RBMS3: variants seen among roughly 807,000 people sequenced by gnomAD.
RBMS3 encodes RNA binding motif single stranded interacting protein 3.
Under a neutral mutation model 66.8 loss-of-function variants are expected in RBMS3, and 27 were observed. The ratio of observed to expected loss-of-function variants is 0.40; its 90% CI spans 0.30 to 0.56. The LOEUF is 0.56. Among genes scored for constraint, RBMS3 ranks in the 20% least tolerant of loss-of-function variants. The pLI, the probability that RBMS3 is intolerant of heterozygous loss-of-function variation, is 0.40. For missense variants in RBMS3, 513 were observed against 549.5 expected, an observed-to-expected ratio of 0.93 and a Z score of 0.66; for synonymous variants, 188 against 183.0, an observed-to-expected ratio of 1.03 and a Z score of -0.22.
At chr3:29,328,198 C>G (rs1044435750) in intron 1 of RBMS3, among the ~76,000 whole-genome samples, 1 of 152,102 alleles carries the variant, frequency 6.6e-6, no homozygotes, top group Non-Finnish European at 1.5e-5. Flanking sequence ...CTATAACATT[C>G]TTGGCTTATT....
At chr3:29,804,647 A>G (rs984779658) in intron 6 of RBMS3, among the ~76,000 whole-genome samples, 3 of 152,034 alleles carry the variant, frequency 2.0e-5, no homozygotes, top group East Asian at 1.9e-4. Context: ...AAATGCTGCC[A>G]TATCTTACTA....
At chr3:29,565,215 G>A (rs2046698887) in intron 3 of RBMS3, among the ~76,000 whole-genome samples, 1 of 152,158 alleles carries the variant, frequency 6.6e-6, no homozygotes, top group South Asian at 2.1e-4. Context: ...TATGGTATTT[G>A]ATAAGTGGTT....
intron 4 of RBMS3, among the ~76,000 whole-genome samples, chr3:29,671,731 G>GA (rs1339003663): frequency 2.0e-5 from 3 of 152,102 alleles, no homozygotes; most frequent in African/African-American, 7.2e-5. Context: ...GAAGTTTAGA[G>GA]AAAAAAGAGT....
At chr3:29,520,133 G>A (rs904395537) in intron 3 of RBMS3, among the ~76,000 whole-genome samples, 4 of 152,108 alleles carry the variant, frequency 2.6e-5, no homozygotes, top group Non-Finnish European at 2.9e-5. Flanking sequence ...TCTAGACATA[G>A]CAATGGTAGT....
Position 29,944,219 on chromosome 3 carries a change from G to A in RBMS3, c.1063G>A (p.Asp355Asn), listed in dbSNP as rs777097439. 6.3e-7 allele frequency: 1 copy of A among 1,590,854 alleles called. No individual in the cohort carries two copies. The highest frequency in any genetic ancestry group is 8.6e-7 in the Non-Finnish European group (1 of 1,159,780). The change falls in exon 12 of 15, where the codon GAC becomes AAC. Residue 355 changes from aspartate (D) to asparagine (N), a missense_variant. Asp to Asn is a conservative substitution (Grantham distance 23). Coordinates refer to ENST00000383767, the MANE Select transcript of RBMS3 (RefSeq NM_001003793.3). Reference protein sequence around the residue: ...LGTTGTIQSQDRIMILHQLLC... With the variant: ...LGTTGTIQSQNRIMILHQLLC... ...TTTTCATTCAAAGATTCAATCCCAA[G>A]ACAGGATTATGATACTCCACCAGCT...
At chr3:29,608,319 C>A (rs1330100625) in intron 4 of RBMS3, among the ~76,000 whole-genome samples, 6 of 151,884 alleles carry the variant, frequency 4.0e-5, no homozygotes, top group African/African-American at 7.3e-5. Context: ...TCAAACAAAT[C>A]TTTCCAATTA....
chr3:29,650,007 C>T (rs2050085174), intron 4 of RBMS3, among the ~76,000 whole-genome samples: 1 of 152,140 alleles, frequency 6.6e-6, no homozygotes, highest in Non-Finnish European at 1.5e-5. Flanking sequence ...ATTGGCCACG[C>T]CCCTCAGGAT....
At chr3:29,487,320 T>G (rs1312670050) in intron 2 of RBMS3, among the ~76,000 whole-genome samples, 1 of 152,054 alleles carries the variant, frequency 6.6e-6, no homozygotes, top group Admixed American at 6.6e-5. Context: ...TTTGATAATA[T>G]GAAACAAACA....
At chr3:29,303,248 T>C (rs1469573513) in intron 1 of RBMS3, among the ~76,000 whole-genome samples, 1 of 152,094 alleles carries the variant, frequency 6.6e-6, no homozygotes, top group Non-Finnish European at 1.5e-5. Context: ...ATTGTGAAGT[T>C]GAGGTCACAA....
In RBMS3 at chr3:29,817,361, G is replaced by A. The variant is rs910655897; in HGVS notation, c.638-51497G>A. ...TGGGATTACAGGCGTCCACCACCAC[G>A]CCTGGCTAATTTTTTGTATTTTTAA... is the stretch of plus-strand genomic sequence containing the variant. On this transcript the variant is annotated intron_variant, in intron 6 of 14. Coordinates refer to ENST00000383767, the MANE Select transcript of RBMS3 (RefSeq NM_001003793.3). Among the ~76,000 whole-genome samples, 4 of 151,556 alleles carry A rather than the reference G, an allele frequency of 2.6e-5. No individual in the cohort carries two copies. In the South Asian group the frequency reaches 8.3e-4, roughly 31 times the overall value.
At chr3:29,970,451 T>C (rs1449281) in intron 12 of RBMS3, among the ~76,000 whole-genome samples, 34,260 of 152,194 alleles carry the variant, frequency 0.23, 3,983 homozygotes, top group East Asian at 0.27. Context: ...AGTTTTATTT[T>C]TTTTCGAAGC....
At chr3:29,428,249 G>A (rs1458686052) in intron 1 of RBMS3, among the ~76,000 whole-genome samples, 1 of 152,008 alleles carries the variant, frequency 6.6e-6, no homozygotes, top group African/African-American at 2.4e-5. Flanking sequence ...GGCAGTATCT[G>A]GAGATATTTT....
intron 12 of RBMS3, among the ~76,000 whole-genome samples, chr3:29,976,903 A>G (rs1697627753): frequency 6.6e-6 from 1 of 151,596 alleles, no homozygotes; most frequent in Non-Finnish European, 1.5e-5. Context: ...TACTCACTCA[A>G]CTCTGACAAA....
At chr3:29,689,474 A>G (rs889015525) in intron 4 of RBMS3, among the ~76,000 whole-genome samples, 10 of 152,142 alleles carry the variant, frequency 6.6e-5, no homozygotes, top group Non-Finnish European at 1.0e-4. Flanking sequence ...AAAGCAGTAG[A>G]TATTCTCAGG....
At chr3:29,917,381 T>C (rs2060664567) in intron 10 of RBMS3, among the ~76,000 whole-genome samples, 1 of 152,056 alleles carries the variant, frequency 6.6e-6, no homozygotes, top group Non-Finnish European at 1.5e-5. Flanking sequence ...CTTTCTCTCT[T>C]TTGCTTTTTC....
At chr3:29,395,583 T>A (rs1207666622) in intron 1 of RBMS3, among the ~76,000 whole-genome samples, 1 of 152,214 alleles carries the variant, frequency 6.6e-6, no homozygotes, top group Non-Finnish European at 1.5e-5. Context: ...TTACATTTGA[T>A]AACACCTTAT....
chr3:29,377,698 T>C (rs146045369), intron 1 of RBMS3, among the ~76,000 whole-genome samples: 28 of 152,310 alleles, frequency 1.8e-4, no homozygotes, highest in African/African-American at 6.3e-4. Context: ...CCAATCACTG[T>C]TATCAGGGCA....
At chr3:29,535,259 A>G (rs1374969905) in intron 3 of RBMS3, among the ~76,000 whole-genome samples, 3 of 152,174 alleles carry the variant, frequency 2.0e-5, no homozygotes, top group Non-Finnish European at 4.4e-5. Context: ...GGTAATGACT[A>G]CATTACAATA....
chr3:29,624,270 C>T (rs1162127833), intron 4 of RBMS3, among the ~76,000 whole-genome samples: 1 of 152,004 alleles, frequency 6.6e-6, no homozygotes, highest in Non-Finnish European at 1.5e-5. Flanking sequence ...GATTTAATTC[C>T]CTTGGCTAGT....
Sources: gnomAD v4.1 joint callset for allele counts (sites outside exome capture counted in the v4.1 genomes callset) on GRCh38, gnomAD v4.1.1 for gene constraint, MANE v1.5 for transcripts, NCBI Gene and HGNC (gene_info 2026-07-23, HGNC 2026-07-21) for gene names.